FAM135A: variants seen among roughly 807,000 people sequenced by gnomAD.
FAM135A encodes family with sequence similarity 135 member A, also known as protein FAM135A.
A neutral mutation model predicts 146.8 loss-of-function variants in FAM135A; 79 were observed. The ratio of observed to expected loss-of-function variants is 0.54; its 90% confidence interval spans 0.45 to 0.65. The LOEUF (loss-of-function observed/expected upper bound fraction) is 0.65, where lower values mean the gene tolerates loss of function less well. FAM135A is among the 30% of genes least tolerant of loss of function. The pLI, the probability that FAM135A is intolerant of heterozygous loss-of-function variation, is 0.00. For synonymous variants in FAM135A, 562 were observed against 603.6 expected, an observed-to-expected ratio of 0.93 and a Z score of 1.01; for missense variants, 1,623 against 1,758.2, an observed-to-expected ratio of 0.92 and a Z score of 1.38.
chr6:70,467,273 G>A (rs1780651379), intron 5 of FAM135A, among the ~76,000 whole-genome samples: 1 of 151,760 alleles, frequency 6.6e-6, no homozygotes, highest in African/African-American at 2.4e-5. Context: ...TTGCTGTTAA[G>A]AGTTCCAAAG....
rs67408160 is a variant in FAM135A, at chr6:70,464,833, ATTTTTTTTT to A, written c.158-10556_158-10548del. 9.0e-3 allele frequency among the ~76,000 whole-genome samples: 579 copies of A among 64,312 alleles called. 11 individuals carry two copies. Among genetic ancestry groups the A allele is most frequent in the African/African-American group, 0.039 (554 of 14,026 alleles). The allele number at this position is 64,312 out of a possible 152,430, so 42.2% of individuals were successfully genotyped here. On this transcript the variant is annotated intron_variant, in intron 5 of 21. Transcript: ENST00000418814. The stretch of plus-strand genomic sequence containing the variant: ...AGGCATGCACCACCACGCCTGGCCA[ATTTTTTTTT>A]TTTTTTTTTTTTTTTTTTTTCAGTA...
At chr6:70,501,743 C>T (rs1004533014) in intron 11 of FAM135A, among the ~76,000 whole-genome samples, 3 of 152,144 alleles carry the variant, frequency 2.0e-5, no homozygotes, top group African/African-American at 7.2e-5. Flanking sequence ...GGTCCCCTGG[C>T]TTCTCGTAAC....
intron 13 of FAM135A, among the ~76,000 whole-genome samples, chr6:70,522,956 G>A (rs1416082693): frequency 1.3e-5 from 2 of 151,884 alleles, no homozygotes; most frequent in Non-Finnish European, 2.9e-5. Flanking sequence ...CATATATACT[G>A]TCTTCTGTAA....
intron 4 of FAM135A, among the ~76,000 whole-genome samples, chr6:70,442,258 G>A (rs1227217843): frequency 2.9e-5 from 1 of 34,116 alleles, no homozygotes; most frequent in African/African-American, 1.5e-4. Flanking sequence ...TTTTTTTTTT[G>A]CCGAGATATA....
At chr6:70,445,763 G>A (rs190912823) in intron 4 of FAM135A, among the ~76,000 whole-genome samples, 15 of 152,238 alleles carry the variant, frequency 9.9e-5, no homozygotes, top group Admixed American at 5.9e-4. Flanking sequence ...CAGCATGGGC[G>A]TTACAGCCAT....
chr6:70,520,063 A>G (rs566251341), intron 12 of FAM135A, among the ~76,000 whole-genome samples: 10 of 152,130 alleles, frequency 6.6e-5, no homozygotes, highest in Non-Finnish European at 1.5e-4. Context: ...GATCTTTTAT[A>G]GGGGAATTCT....
Position 70,454,602 on chromosome 6 carries a change from G to A in FAM135A, c.157+2031G>A, listed in dbSNP as rs142662383. Among the ~76,000 whole-genome samples the A allele has an allele frequency of 4.4e-3, 676 of 152,158 alleles. 2 individuals are homozygous for A. The highest frequency in any genetic ancestry group is 0.014 in the Middle Eastern group (4 of 294). ...TTTTCATATAAGGTGTAAGGAAGGG[G>A]TCCAGTTTCAGCTTTCTACATATGG... On this transcript the variant is annotated intron_variant, in intron 5 of 21. Transcript: ENST00000418814.
intron 21 of FAM135A, chr6:70,557,332 T>C (rs566567528): frequency 1.8e-5 from 3 of 169,480 alleles, no homozygotes; most frequent in Non-Finnish European, 3.8e-5. Context: ...TCCTGTTTAC[T>C]CATTTTATAA....
chr6:70,556,871 A>T lies in FAM135A; in HGVS notation c.4342+8A>T. 1.2e-6 allele frequency: 2 copies of T among 1,610,056 alleles called. No homozygotes were observed. Among genetic ancestry groups the T allele is most frequent in the East Asian group, 4.5e-5 (2 of 44,846 alleles). On this transcript the variant is annotated splice_region_variant and intron_variant, in intron 21 of 21. Transcript: ENST00000418814. ...TAAAGGACAAACAGTCAGGTAATGGAATAAAATTATTTCAAAGAGTTATAG... is the reference window on the plus strand; with the variant it reads ...TAAAGGACAAACAGTCAGGTAATGGTATAAAATTATTTCAAAGAGTTATAG...
rs1056080616 is a variant in FAM135A, at chr6:70,481,852, A to G, written c.670-149A>G. 2.3e-4 allele frequency: 168 copies of G among 737,174 alleles called. 1 individual carries two copies. The highest frequency in any genetic ancestry group is 4.1e-4 in the Middle Eastern group (1 of 2,430). The allele number at this position is 737,174 out of a possible 1,614,324, so 45.7% of individuals were successfully genotyped here. On this transcript the variant is annotated intron_variant, in intron 9 of 21. Transcript: ENST00000418814. Reference sequence around the variant, plus strand: ...TTTCATGTTTAAATTTATTGTATAAACAACTCTCAAATATTACCACATTTT... The same window carrying G: ...TTTCATGTTTAAATTTATTGTATAAGCAACTCTCAAATATTACCACATTTT...
chr6:70,435,870 T>C (rs1772989919), intron 4 of FAM135A, among the ~76,000 whole-genome samples: 1 of 152,188 alleles, frequency 6.6e-6, no homozygotes, highest in African/African-American at 2.4e-5. Context: ...TATAATGTCA[T>C]GTATGTGTTG....
chr6:70,423,507 T>G (rs1769334949), intron 2 of FAM135A, among the ~76,000 whole-genome samples: 1 of 152,222 alleles, frequency 6.6e-6, no homozygotes, highest in African/African-American at 2.4e-5. Flanking sequence ...TCCTAATCTA[T>G]GTGATCAAAA....
At chr6:70,523,363 T>C (rs1371476168) in intron 13 of FAM135A, among the ~76,000 whole-genome samples, 1 of 152,146 alleles carries the variant, frequency 6.6e-6, no homozygotes, top group Admixed American at 6.6e-5. Context: ...GGGTAGGTAG[T>C]GAGTGCTGAT....
At chr6:70,542,423 A>T (rs1203862398) in intron 20 of FAM135A, among the ~76,000 whole-genome samples, 1 of 151,806 alleles carries the variant, frequency 6.6e-6, no homozygotes, top group Admixed American at 6.6e-5. Flanking sequence ...ATCTTTTCAG[A>T]ACTAATTCTG....
intron 11 of FAM135A, among the ~76,000 whole-genome samples, chr6:70,491,688 G>T (rs1213712801): frequency 6.6e-6 from 1 of 151,824 alleles, no homozygotes; most frequent in Non-Finnish European, 1.5e-5. Context: ...GTTCAAAAAG[G>T]TATTCTCCTT....
intron 8 of FAM135A, among the ~76,000 whole-genome samples, chr6:70,478,939 T>C (rs1295125705): frequency 6.6e-6 from 1 of 152,198 alleles, no homozygotes; most frequent in Admixed American, 6.5e-5. Flanking sequence ...TTTTGAAATA[T>C]AACTTTTAAA....
rs1452768537 is a variant in FAM135A at position 70,500,761 on chromosome 6, T to G, written c.874-1875T>G. Among the ~76,000 whole-genome samples the G allele has an allele frequency of 5.3e-5, 8 of 152,150 alleles. No homozygotes were observed. In the East Asian group the frequency reaches 1.5e-3, roughly 29 times the overall value. ...CCCTCTGCTGCAGGTCTGTTGCAGT[T>G]TATTGGAGGTCCACTCCAGGCCCTG... On this transcript the variant is annotated intron_variant, in intron 11 of 21. Transcript: ENST00000418814.
intron 4 of FAM135A, among the ~76,000 whole-genome samples, chr6:70,441,981 C>T (rs1175392561): frequency 1.3e-5 from 2 of 152,142 alleles, no homozygotes; most frequent in Non-Finnish European, 2.9e-5. Flanking sequence ...CCATGCTCCA[C>T]CACAAATACA....
rs542708753 is a variant in FAM135A at position 70,544,534 on chromosome 6, AAAG to A, written c.4228+6138_4228+6140del. 1.1e-3 allele frequency among the ~76,000 whole-genome samples: 167 copies of A among 152,064 alleles called. 1 individual carries two copies. Among genetic ancestry groups the A allele is most frequent in the African/African-American group, 3.8e-3 (158 of 41,484 alleles). On this transcript the variant is annotated intron_variant, in intron 20 of 21. Transcript: ENST00000418814. ...CAAGAGCAAAACTCCATCCCAAAAA[AAAG>A]AAGACCAGCCTGGGCAACATGGTGA...
Sources: allele counts gnomAD v4.1 joint callset (sites outside exome capture counted in the v4.1 genomes callset), GRCh38; gene constraint gnomAD v4.1.1; transcripts MANE v1.5; gene names NCBI Gene and HGNC (gene_info 2026-07-23, HGNC 2026-07-21).